PCYT1B: variants seen among roughly 807,000 people sequenced by gnomAD.
PCYT1B encodes the protein phosphate cytidylyltransferase 1B, choline.
PCYT1B carries 10 observed loss-of-function variants against 26.4 expected under a neutral mutation model. The ratio of observed to expected loss-of-function variants is 0.38; its 90% confidence interval spans 0.23 to 0.64. The LOEUF (loss-of-function observed/expected upper bound fraction) is 0.64. Among genes scored for constraint, PCYT1B ranks in the 30% least tolerant of loss-of-function variants. The pLI is 0.56. For missense variants in PCYT1B, 161 were observed against 292.7 expected, an observed-to-expected ratio of 0.55 and a Z score of 3.28; for synonymous variants, 131 against 108.4, an observed-to-expected ratio of 1.21 and a Z score of -1.29.
At chrX:24,634,470 G>A (rs929373698) in intron 1 of PCYT1B, among the ~76,000 whole-genome samples, 8 of 111,889 alleles carry the variant, frequency 7.1e-5, no homozygotes, top group Admixed American at 9.5e-5. Context: ...CCTGCAGGCC[G>A]TGCGCGGTGG....
chrX:24,650,635 T>C (rs950672097), upstream of PCYT1B, among the ~76,000 whole-genome samples: 4 of 112,110 alleles, frequency 3.6e-5, no homozygotes. Flanking sequence ...AATCATTATG[T>C]ATCTTGATTA....
chrX:24,628,064 G>A (rs757454690), intron 1 of PCYT1B, among the ~76,000 whole-genome samples: 2 of 111,830 alleles, frequency 1.8e-5, no homozygotes, highest in Non-Finnish European at 3.8e-5. Flanking sequence ...TAGACAGTTG[G>A]ATGTATAAGT....
At chrX:24,620,869 T>C (rs941385835) in intron 1 of PCYT1B, among the ~76,000 whole-genome samples, 16 of 111,715 alleles carry the variant, frequency 1.4e-4, no homozygotes, top group Non-Finnish European at 2.6e-4. Context: ...ACTGACTCCA[T>C]TTCCTTCCAC....
chrX:24,568,668 C>A (rs1326611419), intron 7 of PCYT1B, among the ~76,000 whole-genome samples: 3 of 112,121 alleles, frequency 2.7e-5, no homozygotes, highest in Admixed American at 9.5e-5. Flanking sequence ...CCCAGAGAGG[C>A]AAATGAACTT....
chrX:24,664,054 AGAGACATTTAACAATGTCTG>A (rs1175545152), intron 1 of PCYT1B, among the ~76,000 whole-genome samples: 2 of 111,476 alleles, frequency 1.8e-5, no homozygotes, highest in African/African-American at 3.3e-5. Context: ...TTGTCCCACA[AGAGACATTTAACAATGTCTG>A]GAGACATTTT....
chrX:24,628,486 A>G (rs1444956351), intron 1 of PCYT1B, among the ~76,000 whole-genome samples: 1 of 111,884 alleles, frequency 8.9e-6, no homozygotes, highest in African/African-American at 3.2e-5. Context: ...TATCATCATC[A>G]TAATATATAT....
chrX:24,580,047 C>A (rs757030445), intron 5 of PCYT1B, among the ~76,000 whole-genome samples: 5 of 112,182 alleles, frequency 4.5e-5, no homozygotes, highest in Non-Finnish European at 9.4e-5. Flanking sequence ...TGGTGGTGCA[C>A]GCCTGTGGTC....
chrX:24,660,373 G>A (rs1184104128), intron 1 of PCYT1B, among the ~76,000 whole-genome samples: 1 of 112,166 alleles, frequency 8.9e-6, no homozygotes, highest in African/African-American at 3.2e-5. Flanking sequence ...CAGATGAGAG[G>A]CCATGTCAAA....
intron 2 of PCYT1B, among the ~76,000 whole-genome samples, chrX:24,614,688 A>G (rs1925428266): frequency 8.9e-6 from 1 of 111,912 alleles, no homozygotes; most frequent in Non-Finnish European, 1.9e-5. Context: ...CCTTCTTGAA[A>G]CTCTTGAAAC....
chrX:24,572,264 G>GCACACACACA (rs199723149), intron 7 of PCYT1B, among the ~76,000 whole-genome samples: 40 of 101,307 alleles, frequency 3.9e-4, no homozygotes, highest in East Asian at 2.5e-3. Flanking sequence ...ACACACGCGC[G>GCACACACACA]CGCACACACA....
At chrX:24,625,263 T>C in intron 1 of PCYT1B, among the ~76,000 whole-genome samples, 1 of 112,484 alleles carries the variant, frequency 8.9e-6, no homozygotes, top group Non-Finnish European at 1.9e-5. Context: ...CAAAAAGACA[T>C]CACAAAATCT....
At chrX:24,668,113 C>T (rs780822769) in intron 1 of PCYT1B, among the ~76,000 whole-genome samples, 1 of 112,390 alleles carries the variant, frequency 8.9e-6, no homozygotes, top group East Asian at 2.8e-4. Flanking sequence ...TCAACATTCT[C>T]TCTTCTCTCC....
intron 3 of PCYT1B, among the ~76,000 whole-genome samples, chrX:24,603,647 C>T (rs6628023): frequency 0.5 from 54,583 of 108,171 alleles, 10,430 homozygotes; most frequent in East Asian, 0.75. Context: ...CACTTGAGCC[C>T]GGGAGTTTGA....
chrX:24,617,628 A>G (rs764267989), intron 2 of PCYT1B, among the ~76,000 whole-genome samples: 1 of 108,649 alleles, frequency 9.2e-6, no homozygotes, highest in East Asian at 2.9e-4. Flanking sequence ...TTGTATTTTT[A>G]GTAGAGACGG....
At chrX:24,655,411 A>G (rs1490215431) in intron 1 of PCYT1B, among the ~76,000 whole-genome samples, 1 of 112,192 alleles carries the variant, frequency 8.9e-6, no homozygotes, top group East Asian at 2.8e-4. Context: ...ACTTTTATTC[A>G]TTCAGTTCAT....
intron 3 of PCYT1B, among the ~76,000 whole-genome samples, chrX:24,597,079 A>G (rs753028776): frequency 8.1e-5 from 9 of 110,945 alleles, no homozygotes; most frequent in Non-Finnish European, 1.1e-4. Flanking sequence ...TCCTTAAACT[A>G]CGATACATAT....
intron 7 of PCYT1B, among the ~76,000 whole-genome samples, chrX:24,574,921 G>A (rs913157650): frequency 5.4e-5 from 6 of 112,112 alleles, no homozygotes; most frequent in Non-Finnish European, 7.5e-5. Flanking sequence ...GAAACCAGAC[G>A]TGGCTTTGTG....
At chrX:24,567,304 T>G (rs753728143) in intron 7 of PCYT1B, among the ~76,000 whole-genome samples, 1 of 112,121 alleles carries the variant, frequency 8.9e-6, no homozygotes, top group African/African-American at 3.2e-5. Context: ...GGTGTCGCAC[T>G]TCATAAAATG....
rs183781562 is a variant in PCYT1B, at chrX:24,610,669, C to T, written c.218-2808G>A. 2.2e-3 allele frequency among the ~76,000 whole-genome samples: 251 copies of T among 111,595 alleles called. 3 individuals are homozygous for T. The highest frequency in any genetic ancestry group is 1.4e-3 in the Non-Finnish European group (73 of 53,121). On this transcript the variant is annotated intron_variant, in intron 2 of 7. Transcript: ENST00000379144. The stretch of plus-strand genomic sequence containing the variant: ...GAAGACGTAATTACTGAGAAAAAGG[C>T]CATTTAGTAAATCTGAAGAGTATTT...
Sources: allele counts gnomAD v4.1 joint callset (sites outside exome capture counted in the v4.1 genomes callset), GRCh38; gene constraint gnomAD v4.1.1; transcripts MANE v1.5; gene names NCBI Gene and HGNC (gene_info 2026-07-23, HGNC 2026-07-21).